Variants in TCF24 observed in about 807,000 individuals in gnomAD.
TCF24 encodes transcription factor 24.
In TCF24, 5 loss-of-function variants were observed where a neutral mutation model predicts 9.3. The ratio of observed to expected loss-of-function variants is 0.54; its 90% CI spans 0.28 to 1.13. The LOEUF (loss-of-function observed/expected upper bound fraction) is 1.13. Ranked by LOEUF, TCF24 falls within the 50% of genes most tolerant of loss-of-function variation. TCF24 has a pLI of 0.09. For synonymous variants in TCF24, 110 were observed against 115.8 expected, an observed-to-expected ratio of 0.95 and a Z score of 0.32; for missense variants, 220 against 236.1, an observed-to-expected ratio of 0.93 and a Z score of 0.45.
intron 3 of TCF24, among the ~76,000 whole-genome samples, chr8:66,954,408 G>A (rs1288412625): frequency 6.6e-6 from 1 of 152,062 alleles, no homozygotes; most frequent in Non-Finnish European, 1.5e-5. Context: ...GGCTGCTCGG[G>A]GGTCAGGGGT....
At chr8:66,958,892 T>C (rs1814210888) in intron 3 of TCF24, among the ~76,000 whole-genome samples, 1 of 152,222 alleles carries the variant, frequency 6.6e-6, no homozygotes, top group African/African-American at 2.4e-5. Flanking sequence ...AAATTGCTCA[T>C]ACCCCACAGG....
intron 3 of TCF24, among the ~76,000 whole-genome samples, chr8:66,949,703 C>G (rs1814026024): frequency 6.6e-6 from 1 of 152,056 alleles, no homozygotes; most frequent in Non-Finnish European, 1.5e-5. Flanking sequence ...AATGGTTGAA[C>G]TAGTTTACAG....
chr8:66,962,162 T>C (rs961775026), intron 1 of TCF24, among the ~76,000 whole-genome samples, 167 bp downstream of exon 1: 1 of 152,230 alleles, frequency 6.6e-6, no homozygotes, highest in Non-Finnish European at 1.5e-5. Context: ...CGGCTCCTTC[T>C]CGCCGACGCC....
In TCF24 at chr8:66,961,368, C is replaced by T. The variant is rs768931624; in HGVS notation, c.390+8G>A. 3.0e-5 allele frequency: 44 copies of T among 1,465,522 alleles called. No individual in the cohort carries two copies. In the South Asian group the frequency reaches 3.7e-4, roughly 12 times the overall value. 90.8% of individuals were successfully genotyped at this position (1,465,522 alleles called of 1,614,324 possible). On this transcript the variant is annotated splice_region_variant and intron_variant, in intron 3 of 3. Transcript: ENST00000563496. ...GCCCCAGCCCCGCGGTGCGCCCCGCCCGCTTACCTTGACCGGGTGCAGGTA... is the reference window on the plus strand; with the variant it reads ...GCCCCAGCCCCGCGGTGCGCCCCGCTCGCTTACCTTGACCGGGTGCAGGTA...
At chr8:66,955,343 G>T (rs140764583) in intron 3 of TCF24, among the ~76,000 whole-genome samples, 1 of 150,956 alleles carries the variant, frequency 6.6e-6, no homozygotes, top group African/African-American at 2.4e-5. Flanking sequence ...AAGATCCTTG[G>T]AATACTACTT....
chr8:66,949,882 T>C (rs2130897119), intron 3 of TCF24, among the ~76,000 whole-genome samples: 1 of 143,068 alleles, frequency 7.0e-6, no homozygotes, highest in East Asian at 2.0e-4. Flanking sequence ...TTTCATGTGT[T>C]TTTTGGCTGC....
intron 3 of TCF24, among the ~76,000 whole-genome samples, chr8:66,960,435 T>C (rs1485929551): frequency 2.0e-5 from 3 of 152,094 alleles, no homozygotes; most frequent in Non-Finnish European, 4.4e-5. Flanking sequence ...TGTGTGTGTG[T>C]GTGCGCGCGT....
rs1175388026 is a variant in TCF24, at chr8:66,961,534, A to G, written c.232T>C (p.Ser78Pro). ...GACAGCTTGGTGTCGGGCGGCACGG[A>G]CGGCAGCGTGCGCTGCAGCTCCAGG... ...AFLELQRTLP[S>P]VPPDTKLSKL... The change falls in exon 3 of 4, where the codon TCC becomes CCC. Residue 78 changes from serine (S) to proline (P), a missense_variant. Physicochemically the swap from Ser to Pro is moderately conservative, Grantham distance 74. Transcript: ENST00000563496. The G allele has an allele frequency of 4.6e-6, 7 of 1,510,544 alleles. No homozygotes were observed. Among genetic ancestry groups the G allele is most frequent in the Non-Finnish European group, 6.2e-6 (7 of 1,136,664 alleles). 93.6% of individuals were successfully genotyped at this position (1,510,544 alleles called of 1,614,324 possible). A position where few individuals can be genotyped will look rare whatever the true frequency, so the allele number is the denominator to read the frequency against.
intron 3 of TCF24, among the ~76,000 whole-genome samples, chr8:66,950,566 C>T (rs1264984709): frequency 2.6e-5 from 4 of 151,206 alleles, no homozygotes; most frequent in East Asian, 1.9e-4. Context: ...ATTGCCTTGG[C>T]GATGCGGGCT....
In TCF24 at chr8:66,948,067, G is replaced by T; in HGVS notation, c.488C>A (p.Thr163Lys). The change falls in exon 4 of 4, where the codon ACA becomes AAA. Residue 163 changes from threonine (T) to lysine (K), a missense_variant. By Grantham distance (78) the Thr-to-Lys change is moderately conservative. Transcript: ENST00000563496. ...GEKTNHDNTP[T>K]DSQP is the part of the protein sequence containing the mutation. Reference sequence around the variant, plus strand: ...GGGGAGAGCCTAAGGCTGTGAGTCTGTTGGAGTGTTGTCATGATTTGTTTT... The same window carrying T: ...GGGGAGAGCCTAAGGCTGTGAGTCTTTTGGAGTGTTGTCATGATTTGTTTT... The T allele has an allele frequency of 6.5e-7, 1 of 1,533,966 alleles. No individual in the cohort carries two copies. The highest frequency in any genetic ancestry group is 1.4e-5 in the African/African-American group (1 of 73,148).
At position 66,962,574 on chromosome 8, in the gene TCF24, C is replaced by T. The variant is rs1047816059; in HGVS notation, c.-380G>A. On this transcript the variant is annotated 5_prime_UTR_variant, in exon 1 of 4. Transcript: ENST00000563496. The stretch of plus-strand genomic sequence containing the variant: ...ACCTGGCCCACCGGAGAGGCTACGC[C>T]GGGGGCTGAGGCGGCTTAGAGGGTC... 6.7e-6 allele frequency: 1 copy of T among 148,676 alleles called. No homozygotes were observed. The highest frequency in any genetic ancestry group is 1.5e-5 in the Non-Finnish European group (1 of 67,134). 9.2% of individuals were successfully genotyped at this position (148,676 alleles called of 1,614,324 possible). A position where few individuals can be genotyped will look rare whatever the true frequency, so the allele number is the denominator to read the frequency against.
At chr8:66,957,882 T>C (rs1814185512) in intron 3 of TCF24, among the ~76,000 whole-genome samples, 1 of 132,246 alleles carries the variant, frequency 7.6e-6, no homozygotes, top group Non-Finnish European at 1.5e-5. Flanking sequence ...GGTCCCACTG[T>C]GTTAAGAATT....
At chr8:66,954,096 C>G (rs961829122) in intron 3 of TCF24, among the ~76,000 whole-genome samples, 1 of 152,216 alleles carries the variant, frequency 6.6e-6, no homozygotes, top group African/African-American at 2.4e-5. Flanking sequence ...TCTCTCAGCT[C>G]GTCAAAGTCA....
Position 66,952,010 on chromosome 8 carries a change from A to G in TCF24, c.391-3846T>C, listed in dbSNP as rs370907253. On this transcript the variant is annotated intron_variant, in intron 3 of 3. Coordinates refer to ENST00000563496, the MANE Select transcript of TCF24 (RefSeq NM_001193502.2). Reference sequence around the variant, plus strand: ...TTTTTTCTTTATTAGTCTTGCTAGCAGTCTATCAATTTTGTTGATCCTTTC... The same window carrying G: ...TTTTTTCTTTATTAGTCTTGCTAGCGGTCTATCAATTTTGTTGATCCTTTC... 8.2e-5 allele frequency among the ~76,000 whole-genome samples: 12 copies of G among 146,478 alleles called. No individual in the cohort carries two copies. In the East Asian group the frequency reaches 1.8e-3, roughly 22 times the overall value.
At chr8:66,953,392 A>G (rs940368685) in intron 3 of TCF24, among the ~76,000 whole-genome samples, 1 of 151,704 alleles carries the variant, frequency 6.6e-6, no homozygotes, top group African/African-American at 2.4e-5. Context: ...TGGGTTGAAA[A>G]TTCTTTTCTT....
chr8:66,947,486 G>A lies in TCF24; in HGVS notation c.*565C>T, dbSNP rs1813981937. ...AATAACCCTCTAGGAAGGTGACCAA[G>A]CCCTGTCCTCTGAGCAAACCATTTC... On this transcript the variant is annotated 3_prime_UTR_variant, in exon 4 of 4. Transcript: ENST00000563496. 6.6e-6 allele frequency: 1 copy of A among 152,266 alleles called. No homozygotes were observed. Among genetic ancestry groups the A allele is most frequent in the Non-Finnish European group, 1.5e-5 (1 of 68,122 alleles). 9.4% of individuals were successfully genotyped at this position (152,266 alleles called of 1,614,324 possible).
At chr8:66,953,809 T>A (rs1229331312) in intron 3 of TCF24, among the ~76,000 whole-genome samples, 1 of 152,036 alleles carries the variant, frequency 6.6e-6, no homozygotes, top group Non-Finnish European at 1.5e-5. Context: ...TTATTCTTTT[T>A]TCTCTAAACT....
chr8:66,948,705 A>AT (rs199757707), intron 3 of TCF24, among the ~76,000 whole-genome samples: 2,765 of 138,174 alleles, frequency 0.02, 57 homozygotes, highest in African/African-American at 0.045. Context: ...CTATCTATCT[A>AT]TTTTTTTTGA....
At chr8:66,951,232 CAT>C (rs1230896048) in intron 3 of TCF24, among the ~76,000 whole-genome samples, 1 of 141,790 alleles carries the variant, frequency 7.1e-6, no homozygotes, top group Non-Finnish European at 1.5e-5. Flanking sequence ...GTGGGTTTGT[CAT>C]AGATAGCTCT....
Sources: gnomAD v4.1 joint callset for allele counts (sites outside exome capture counted in the v4.1 genomes callset) on GRCh38, gnomAD v4.1.1 for gene constraint, MANE v1.5 for transcripts, NCBI Gene and HGNC (gene_info 2026-07-23, HGNC 2026-07-21) for gene names.